The following PDE4D variants were observed in gnomAD, a reference collection of about 807,000 sequenced individuals.
The protein encoded by PDE4D is phosphodiesterase 4D.
PDE4D carries 24 observed loss-of-function variants against 87.4 expected under a neutral mutation model. That is an observed-to-expected ratio of 0.27 (90% confidence interval 0.20 to 0.39). The LOEUF (loss-of-function observed/expected upper bound fraction) is 0.39. Ranked by LOEUF, PDE4D falls within the 10% of genes least tolerant of loss-of-function variation. The pLI, the probability that PDE4D is intolerant of heterozygous loss-of-function variation, is 1.00. For missense variants in PDE4D, 714 were observed against 1,041.0 expected, an observed-to-expected ratio of 0.69 and a Z score of 4.32; for synonymous variants, 384 against 383.2, an observed-to-expected ratio of 1.00 and a Z score of -0.02.
intron 1 of PDE4D, among the ~76,000 whole-genome samples, chr5:60,232,823 C>T (rs1745971049): frequency 1.3e-5 from 2 of 151,526 alleles, no homozygotes; most frequent in South Asian, 4.1e-4. Context: ...ATTAAAAGTG[C>T]CAACACAGAG....
intron 1 of PDE4D, among the ~76,000 whole-genome samples, chr5:59,469,168 A>AT (rs1043291168): frequency 2.0e-5 from 3 of 152,124 alleles, no homozygotes; most frequent in Non-Finnish European, 4.4e-5. Context: ...TCTACTAAAA[A>AT]TACAAAAAAA....
At chr5:59,740,692 T>G (rs1237635860) in intron 1 of PDE4D, among the ~76,000 whole-genome samples, 2 of 152,168 alleles carry the variant, frequency 1.3e-5, no homozygotes, top group African/African-American at 4.8e-5. Flanking sequence ...TCAGCAATCT[T>G]AGGAATTATT....
intron 1 of PDE4D, among the ~76,000 whole-genome samples, chr5:59,440,901 T>C (rs1215154651): frequency 1.3e-5 from 2 of 152,254 alleles, no homozygotes; most frequent in African/African-American, 4.8e-5. Flanking sequence ...GGTTCTGGCA[T>C]GAGGAGCCCT....
chr5:59,145,830 A>T lies in PDE4D; in HGVS notation c.808+34765T>A, dbSNP rs574589748. Among the ~76,000 whole-genome samples, 6 of 152,332 alleles carry T rather than the reference A, an allele frequency of 3.9e-5. No homozygotes were observed. The South Asian group carries it at 1.2e-3, about 32-fold the overall frequency. ...ATCCAAAGATAAGTTCAATAGGTTTAAAAACCCAAAATCTGGCTGGGCGCA... is the reference window on the plus strand; with the variant it reads ...ATCCAAAGATAAGTTCAATAGGTTTTAAAACCCAAAATCTGGCTGGGCGCA... On this transcript the variant is annotated intron_variant, in intron 5 of 14. Transcript: ENST00000340635.
At chr5:60,158,064 G>A (rs1156850097) in intron 2 of PDE4D, among the ~76,000 whole-genome samples, 2 of 152,110 alleles carry the variant, frequency 1.3e-5, no homozygotes, top group East Asian at 3.9e-4. Context: ...AGGTTATTGT[G>A]AGGATTGCAT....
At chr5:59,112,938 T>C (rs1772934565) in intron 5 of PDE4D, among the ~76,000 whole-genome samples, 1 of 151,968 alleles carries the variant, frequency 6.6e-6, no homozygotes, top group Non-Finnish European at 1.5e-5. Context: ...GTAGCTGGGA[T>C]TACAGGCATG....
intron 2 of PDE4D, among the ~76,000 whole-genome samples, chr5:60,009,567 G>A (rs1477565843): frequency 3.3e-5 from 5 of 151,988 alleles, no homozygotes; most frequent in African/African-American, 1.2e-4. Flanking sequence ...GATATAAAAA[G>A]CACTAAAGTA....
At chr5:60,088,770 C>A (rs1774803103) in intron 2 of PDE4D, among the ~76,000 whole-genome samples, 1 of 151,806 alleles carries the variant, frequency 6.6e-6, no homozygotes. Context: ...TTCTACAAAA[C>A]AACCAGAAAA....
chr5:59,492,600 T>G (rs559666674), intron 1 of PDE4D, among the ~76,000 whole-genome samples: 2 of 152,294 alleles, frequency 1.3e-5, no homozygotes, highest in African/African-American at 4.8e-5. Context: ...TTTACTGCCC[T>G]CAACTGAATT....
intron 3 of PDE4D, among the ~76,000 whole-genome samples, chr5:59,968,991 A>AC (rs200411404): frequency 0.02 from 2,361 of 120,832 alleles, 42 homozygotes; most frequent in African/African-American, 0.045. Context: ...AAGAAAAGGC[A>AC]CCCCCCCCCC....
At chr5:59,831,828 T>C (rs895247908) in intron 1 of PDE4D, among the ~76,000 whole-genome samples, 2 of 151,806 alleles carry the variant, frequency 1.3e-5, no homozygotes, top group Non-Finnish European at 2.9e-5. Flanking sequence ...CCCAGTAGAG[T>C]TGACGCAGTA....
At chr5:59,880,688 C>T (rs1464486802) in intron 1 of PDE4D, among the ~76,000 whole-genome samples, 1 of 152,074 alleles carries the variant, frequency 6.6e-6, no homozygotes, top group East Asian at 1.9e-4. Flanking sequence ...ATTAGTAAGA[C>T]ATATAATCAT....
intron 1 of PDE4D, chr5:60,459,811 A>T (rs1306308192): frequency 3.8e-6 from 2 of 527,414 alleles, no homozygotes; most frequent in Non-Finnish European, 7.0e-6. Context: ...CTGGAGAAAA[A>T]TTTTTAAACA....
chr5:60,322,367 TACACACACACACAC>T (rs60232413), intron 1 of PDE4D, among the ~76,000 whole-genome samples: 5,701 of 132,780 alleles, frequency 0.043, 240 homozygotes, highest in African/African-American at 0.11. Context: ...TGGACACACA[TACACACACACACAC>T]ACACACACAC....
chr5:59,488,547 T>C (rs534499007), intron 1 of PDE4D, among the ~76,000 whole-genome samples: 3 of 152,302 alleles, frequency 2.0e-5, no homozygotes, highest in African/African-American at 4.8e-5. Context: ...AGTGTGTGCA[T>C]AGCTGTGCAC....
intron 2 of PDE4D, among the ~76,000 whole-genome samples, chr5:60,096,240 G>A (rs1196520425): frequency 1.3e-5 from 2 of 151,962 alleles, no homozygotes; most frequent in African/African-American, 4.8e-5. Context: ...AAGAATAGAA[G>A]CCTCAGAAAT....
chr5:59,122,145 A>C (rs1774640993), intron 5 of PDE4D, among the ~76,000 whole-genome samples: 1 of 6,420 alleles, frequency 1.6e-4, no homozygotes, highest in African/African-American at 4.2e-4. Context: ...CTATCTCAAA[A>C]AAAAAAAAAA....
chr5:59,578,146 A>C (rs1415138509), intron 1 of PDE4D, among the ~76,000 whole-genome samples: 1 of 152,160 alleles, frequency 6.6e-6, no homozygotes, highest in Non-Finnish European at 1.5e-5. Context: ...TTTTCTTCCC[A>C]CTGTGATTTT....
chr5:60,391,112 C>A (rs1762534220), intron 1 of PDE4D, among the ~76,000 whole-genome samples: 1 of 152,152 alleles, frequency 6.6e-6, no homozygotes, highest in South Asian at 2.1e-4. Context: ...ACAATGATAG[C>A]TTCATGAAGG....
Sources: allele counts gnomAD v4.1 joint callset (sites outside exome capture counted in the v4.1 genomes callset), GRCh38; gene constraint gnomAD v4.1.1; transcripts MANE v1.5; gene names NCBI Gene and HGNC (gene_info 2026-07-23, HGNC 2026-07-21).